CHCHD3: variants seen among roughly 807,000 people sequenced by gnomAD.
CHCHD3 encodes the protein MICOS complex subunit MIC19.
CHCHD3 carries 20 observed loss-of-function variants against 38.2 expected under a neutral mutation model. The ratio of observed to expected loss-of-function variants is 0.52; its 90% CI spans 0.37 to 0.76. CHCHD3 has a LOEUF of 0.76. Ranked by LOEUF, CHCHD3 falls within the 30% of genes least tolerant of loss-of-function variation. The pLI is 0.00. For synonymous variants in CHCHD3, 82 were observed against 100.0 expected, an observed-to-expected ratio of 0.82 and a Z score of 1.07; for missense variants, 245 against 279.2, an observed-to-expected ratio of 0.88 and a Z score of 0.87.
chr7:132,870,477 A>G (rs1383411513), intron 5 of CHCHD3, among the ~76,000 whole-genome samples: 1 of 152,150 alleles, frequency 6.6e-6, no homozygotes, highest in Admixed American at 6.5e-5. Context: ...CTGTATAATT[A>G]TCAACCTCCT....
At chr7:132,896,081 A>G (rs1809487183) in intron 4 of CHCHD3, among the ~76,000 whole-genome samples, 1 of 152,010 alleles carries the variant, frequency 6.6e-6, no homozygotes, top group Non-Finnish European at 1.5e-5. Flanking sequence ...TGTGTTATCT[A>G]TCATCTGGTG....
At chr7:133,033,440 C>T (rs1813557952) in intron 2 of CHCHD3, among the ~76,000 whole-genome samples, 1 of 152,102 alleles carries the variant, frequency 6.6e-6, no homozygotes, top group South Asian at 2.1e-4. Context: ...CCTAAAGTGC[C>T]TGAAGTGGTG....
At chr7:132,971,625 G>T (rs1009941312) in intron 4 of CHCHD3, among the ~76,000 whole-genome samples, 1 of 151,780 alleles carries the variant, frequency 6.6e-6, no homozygotes, top group South Asian at 2.1e-4. Flanking sequence ...AGAAAGATGT[G>T]GGGGGTGTGG....
At chr7:132,974,100 AACT>A (rs1811692244) in intron 4 of CHCHD3, 23 of 1,140,660 alleles carry the variant, frequency 2.0e-5, no homozygotes, top group Non-Finnish European at 2.6e-5. Flanking sequence ...AGCCATTAAA[AACT>A]ACATTTCAGA....
chr7:132,955,215 T>TGTG (rs1554393837), intron 4 of CHCHD3, among the ~76,000 whole-genome samples: 13 of 148,200 alleles, frequency 8.8e-5, no homozygotes, highest in South Asian at 2.1e-4. Context: ...TGTGTGTGTG[T>TGTG]TGCGGGGTGG....
rs540021312 is a variant in CHCHD3, at chr7:132,833,002, G to T, written c.524+5397C>A. Among the ~76,000 whole-genome samples, 7 of 152,286 alleles carry T rather than the reference G, an allele frequency of 4.6e-5. 1 individual carries two copies. Among genetic ancestry groups the T allele is most frequent in the Admixed American group, 4.6e-4 (7 of 15,298 alleles). The stretch of plus-strand genomic sequence containing the variant: ...TAAAAACAAATACAGAGATTTCTCC[G>T]ATAGCACATAGTTTCATAACTTTTG... On this transcript the variant is annotated intron_variant, in intron 6 of 7. Transcript: ENST00000262570.
intron 5 of CHCHD3, among the ~76,000 whole-genome samples, chr7:132,856,033 T>C (rs1808336545): frequency 6.6e-6 from 1 of 152,226 alleles, no homozygotes; most frequent in Non-Finnish European, 1.5e-5. Flanking sequence ...GTGGCTTTTC[T>C]GAGAATTGTT....
intron 3 of CHCHD3, among the ~76,000 whole-genome samples, chr7:133,009,037 A>C (rs922006959): frequency 6.6e-6 from 1 of 151,900 alleles, no homozygotes; most frequent in African/African-American, 2.4e-5. Flanking sequence ...GACAGATACA[A>C]GAGGCCAAGA....
rs766372378 is a variant in CHCHD3 at position 132,857,746 on chromosome 7, AG to A, written c.454-19278del. Among the ~76,000 whole-genome samples the A allele has an allele frequency of 6.6e-5, 10 of 152,036 alleles. No individual in the cohort carries two copies. The East Asian group carries it at 1.4e-3, about 21-fold the overall frequency. On this transcript the variant is annotated intron_variant, in intron 5 of 7. Transcript: ENST00000262570. ...TTAGAGCTGAACATCTCTGGATGGG[AG>A]GGGGCACTTCCTAACAGGGGCCTGA...
chr7:132,966,105 T>A (rs1811457523), intron 4 of CHCHD3, among the ~76,000 whole-genome samples: 1 of 152,220 alleles, frequency 6.6e-6, no homozygotes, highest in South Asian at 2.1e-4. Context: ...TTCAGAATCA[T>A]CTAAAATGAC....
rs1379427715 is a variant in CHCHD3 at position 132,985,185 on chromosome 7, G to A, written c.252-9899C>T. 7.3e-4 allele frequency among the ~76,000 whole-genome samples: 52 copies of A among 71,278 alleles called. 8 individuals are homozygous for A. The highest frequency in any genetic ancestry group is 2.6e-3 in the African/African-American group (48 of 18,250). 46.8% of individuals were successfully genotyped at this position (71,278 alleles called of 152,430 possible). A position where few individuals can be genotyped will look rare whatever the true frequency, so the allele number is the denominator to read the frequency against. On this transcript the variant is annotated intron_variant, in intron 3 of 7. Transcript: ENST00000262570. ...GTCCCTCTGCCCGGCCAGCCGCCCC[G>A]TCCGGAAGGGAGGTGGGGGGGTTAG...
intron 6 of CHCHD3, among the ~76,000 whole-genome samples, chr7:132,797,129 A>T (rs1806640789): frequency 1.3e-5 from 2 of 152,116 alleles, no homozygotes; most frequent in African/African-American, 4.8e-5. Flanking sequence ...TCTACACAAA[A>T]TACAAGGCCA....
intron 1 of CHCHD3, among the ~76,000 whole-genome samples, chr7:133,076,704 G>T (rs1347207552): frequency 6.6e-6 from 1 of 152,070 alleles, no homozygotes; most frequent in African/African-American, 2.4e-5. Context: ...CCAAAAGAAA[G>T]AATTTTCTCA....
chr7:132,822,250 T>C (rs1284745669), intron 6 of CHCHD3, among the ~76,000 whole-genome samples: 1 of 152,228 alleles, frequency 6.6e-6, no homozygotes, highest in Non-Finnish European at 1.5e-5. Flanking sequence ...AATTTTTTGC[T>C]CTGTAGTTTT....
At chr7:132,922,574 A>G (rs1170950172) in intron 4 of CHCHD3, among the ~76,000 whole-genome samples, 2 of 149,966 alleles carry the variant, frequency 1.3e-5, no homozygotes, top group African/African-American at 4.9e-5. Flanking sequence ...TTTTTTTTTT[A>G]AGCAAACTTA....
intron 4 of CHCHD3, among the ~76,000 whole-genome samples, chr7:132,938,342 G>A (rs968244093): frequency 3.3e-5 from 5 of 152,080 alleles, no homozygotes; most frequent in African/African-American, 1.2e-4. Flanking sequence ...ATAAGGATTC[G>A]TAGTCTAGTT....
At chr7:133,077,150 C>A (rs1481585855) in intron 1 of CHCHD3, among the ~76,000 whole-genome samples, 2 of 152,110 alleles carry the variant, frequency 1.3e-5, no homozygotes, top group Admixed American at 1.3e-4. Flanking sequence ...TGTTTCTTTA[C>A]ATTTGTCATT....
chr7:132,977,558 T>C (rs1811801234), intron 3 of CHCHD3, among the ~76,000 whole-genome samples: 1 of 152,238 alleles, frequency 6.6e-6, no homozygotes, highest in Non-Finnish European at 1.5e-5. Context: ...CATTACCTAT[T>C]TTTACCAGTG....
intron 3 of CHCHD3, among the ~76,000 whole-genome samples, chr7:132,985,861 T>C (rs893399625): frequency 8.2e-6 from 1 of 121,698 alleles, no homozygotes; most frequent in African/African-American, 3.1e-5. Flanking sequence ...TACTGGGAAG[T>C]GAGGAGCCCC....
Sources: gnomAD v4.1 joint callset for allele counts (sites outside exome capture counted in the v4.1 genomes callset) on GRCh38, gnomAD v4.1.1 for gene constraint, MANE v1.5 for transcripts, NCBI Gene and HGNC (gene_info 2026-07-23, HGNC 2026-07-21) for gene names.